Variants in TBCK observed in about 807,000 individuals in gnomAD.
The protein encoded by TBCK is TBC1 domain containing kinase.
In TBCK, 99 loss-of-function variants were observed where a neutral mutation model predicts 113.4. The ratio of observed to expected loss-of-function variants is 0.87; its 90% confidence interval spans 0.74 to 1.03. TBCK has a LOEUF of 1.03. Ranked by LOEUF, TBCK falls within the 50% of genes least tolerant of loss-of-function variation. The pLI is 0.00. For missense variants in TBCK, 1,045 were observed against 1,061.3 expected (o/e 0.98, Z 0.21); for synonymous variants, 369 against 370.8 (o/e 1.00, Z 0.05).
intron 8 of TBCK, 34 bp downstream of exon 8, chr4:106,248,887 C>T (rs749196472): frequency 1.9e-6 from 3 of 1,539,766 alleles, no homozygotes; most frequent in Non-Finnish European, 2.6e-6. Flanking sequence ...GTTATAGCAG[C>T]ACAAATGGAC....
intron 23 of TBCK, among the ~76,000 whole-genome samples, chr4:106,134,928 T>C (rs1288576176): frequency 6.6e-6 from 1 of 152,196 alleles, no homozygotes; most frequent in Non-Finnish European, 1.5e-5. Flanking sequence ...ACAAAAATAC[T>C]GTGAGAATCA....
At chr4:106,216,914 A>G (rs1229752093) in intron 19 of TBCK, among the ~76,000 whole-genome samples, 6 of 152,000 alleles carry the variant, frequency 3.9e-5, no homozygotes. Flanking sequence ...GACACAACCA[A>G]AAAAGAGAAT....
intron 25 of TBCK, among the ~76,000 whole-genome samples, chr4:106,083,210 C>T (rs772522042): frequency 1.3e-5 from 2 of 152,198 alleles, no homozygotes; most frequent in Non-Finnish European, 2.9e-5. Context: ...AAGCGTGGCA[C>T]CCATTTGTAT....
At chr4:106,272,648 C>T (rs1333602404) in intron 3 of TBCK, among the ~76,000 whole-genome samples, 3 of 151,826 alleles carry the variant, frequency 2.0e-5, no homozygotes, top group Admixed American at 6.6e-5. Context: ...CATGCCACCA[C>T]ACCCAGCTAA....
In TBCK at chr4:106,120,197, G is replaced by A. The variant is rs180786490; in HGVS notation, c.2236-3819C>T. 1.7e-3 allele frequency among the ~76,000 whole-genome samples: 258 copies of A among 152,294 alleles called. 2 individuals are homozygous for A. Among genetic ancestry groups the A allele is most frequent in the African/African-American group, 5.9e-3 (244 of 41,576 alleles). On this transcript the variant is annotated intron_variant, in intron 23 of 25. Transcript: ENST00000394708. ...GAGTTCCCTTTCCGAGTCAAAGAAAGGGGTGACTGATGCACCTGGAAAATC... is the reference window on the plus strand; with the variant it reads ...GAGTTCCCTTTCCGAGTCAAAGAAAAGGGTGACTGATGCACCTGGAAAATC...
chr4:106,233,314 T>C (rs1759077910), intron 16 of TBCK, among the ~76,000 whole-genome samples: 1 of 152,116 alleles, frequency 6.6e-6, no homozygotes, highest in African/African-American at 2.4e-5. Flanking sequence ...AATATACTTT[T>C]CAAAAATATT....
chr4:106,197,411 G>GTATATATATATATA lies in TBCK; in HGVS notation c.1861-2671_1861-2658dup, dbSNP rs1553957897. ...AGTGTGTGTGTGTGTGTGTGTGTGTGTATATATATATATATATATATAATA... is the reference window on the plus strand; with the variant it reads ...AGTGTGTGTGTGTGTGTGTGTGTGTGTATATATATATATATATATATATATATATATATATAATA... On this transcript the variant is annotated intron_variant, in intron 20 of 25. Coordinates refer to ENST00000394708, the MANE Select transcript of TBCK (RefSeq NM_001163435.3). 9.0e-5 allele frequency among the ~76,000 whole-genome samples: 11 copies of GTATATATATATATA among 122,462 alleles called. No homozygotes were observed. The South Asian group carries it at 1.2e-3, about 13-fold the overall frequency. The allele number at this position is 122,462 out of a possible 152,430, so 80.3% of individuals were successfully genotyped here.
At chr4:106,309,621 C>T (rs1325282070) in intron 1 of TBCK, among the ~76,000 whole-genome samples, 1 of 151,678 alleles carries the variant, frequency 6.6e-6, no homozygotes, top group African/African-American at 2.4e-5. Flanking sequence ...CCTCTCTTTA[C>T]CTAAAGATTG....
intron 24 of TBCK, among the ~76,000 whole-genome samples, chr4:106,097,906 A>G (rs1378152309): frequency 6.6e-6 from 1 of 152,110 alleles, no homozygotes; most frequent in Non-Finnish European, 1.5e-5. Context: ...AATTTTTGAC[A>G]TATGGTGACT....
At chr4:106,298,993 T>A (rs1766632477) in intron 2 of TBCK, among the ~76,000 whole-genome samples, 1 of 152,170 alleles carries the variant, frequency 6.6e-6, no homozygotes, top group Non-Finnish European at 1.5e-5. Context: ...CCTACTGTGA[T>A]ATCTTTTTTC....
At position 106,230,468 on chromosome 4, in the gene TBCK, G is replaced by A. The variant is rs533070061; in HGVS notation, c.1691-22C>T. 69 of 1,514,610 alleles carry A rather than the reference G, an allele frequency of 4.6e-5. No individual in the cohort carries two copies. In the South Asian group the frequency reaches 7.3e-4, roughly 16 times the overall value. The allele number at this position is 1,514,610 out of a possible 1,614,324, so 93.8% of individuals were successfully genotyped here. On this transcript the variant is annotated intron_variant, in intron 18 of 25. Coordinates refer to ENST00000394708, the MANE Select transcript of TBCK (RefSeq NM_001163435.3). The stretch of plus-strand genomic sequence containing the variant: ...AAGGCTAAAAGAGAATAAGGCAAAG[G>A]CATGTAAAAAATTAGTTAACAGGGT...
intron 2 of TBCK, among the ~76,000 whole-genome samples, chr4:106,306,738 C>T (rs1247276658): frequency 6.6e-6 from 1 of 152,160 alleles, no homozygotes; most frequent in African/African-American, 2.4e-5. Flanking sequence ...AGGTTTCTAT[C>T]AGCTCTGACT....
At chr4:106,199,455 TTTCTA>T (rs1211408055) in intron 20 of TBCK, among the ~76,000 whole-genome samples, 5 of 152,144 alleles carry the variant, frequency 3.3e-5, no homozygotes, top group Admixed American at 2.6e-4. Flanking sequence ...TTTCTTTTCT[TTTCTA>T]TTTTTCTCCA....
chr4:106,174,070 G>C (rs566805920), intron 22 of TBCK, among the ~76,000 whole-genome samples: 1 of 151,944 alleles, frequency 6.6e-6, no homozygotes, highest in African/African-American at 2.4e-5. Flanking sequence ...CAACCATTTG[G>C]GCAAGGATAG....
intron 23 of TBCK, among the ~76,000 whole-genome samples, chr4:106,163,833 A>T (rs1230220308): frequency 6.6e-6 from 1 of 152,068 alleles, no homozygotes; most frequent in Non-Finnish European, 1.5e-5. Context: ...CAGTCAAACC[A>T]TATCAATCTC....
chr4:106,177,672 T>C (rs1751845707), intron 22 of TBCK, among the ~76,000 whole-genome samples: 1 of 151,956 alleles, frequency 6.6e-6, no homozygotes, highest in Admixed American at 6.6e-5. Context: ...AGTTATCTAT[T>C]CCATTTCATT....
chr4:106,242,403 T>A, intron 12 of TBCK, 67 bp downstream of exon 12: 1 of 1,188,748 alleles, frequency 8.4e-7, no homozygotes, highest in Non-Finnish European at 1.2e-6. Flanking sequence ...CAAGATTTCT[T>A]GTGTATCTGT....
intron 19 of TBCK, among the ~76,000 whole-genome samples, chr4:106,217,286 C>G (rs1007002939): frequency 3.8e-4 from 58 of 152,228 alleles, no homozygotes; most frequent in African/African-American, 1.3e-3. Context: ...AAACTGGAAG[C>G]ATTCCCTTTG....
At chr4:106,073,696 G>T (rs1310373330) in intron 25 of TBCK, among the ~76,000 whole-genome samples, 2 of 152,196 alleles carry the variant, frequency 1.3e-5, no homozygotes, top group Non-Finnish European at 2.9e-5. Context: ...GATGCCTTTT[G>T]TTCAGCTGTG....
Sources: gnomAD v4.1 joint callset for allele counts (sites outside exome capture counted in the v4.1 genomes callset) on GRCh38, gnomAD v4.1.1 for gene constraint, MANE v1.5 for transcripts, NCBI Gene and HGNC (gene_info 2026-07-23, HGNC 2026-07-21) for gene names.